AHI1: variants seen among roughly 807,000 people sequenced by gnomAD.
AHI1 encodes jouberin.
Under a neutral mutation model 149.3 loss-of-function variants are expected in AHI1, and 123 were observed. The observed-to-expected ratio is 0.82, with a 90% CI of 0.71 to 0.96. AHI1 has a LOEUF of 0.96. Among genes scored for constraint, AHI1 ranks in the 40% least tolerant of loss-of-function variants. The pLI, the probability that AHI1 is intolerant of heterozygous loss-of-function variation, is 0.00. For missense variants in AHI1, 1,439 were observed against 1,422.7 expected (o/e 1.01, Z -0.18); for synonymous variants, 475 against 459.8 (o/e 1.03, Z -0.42).
intron 5 of AHI1, chr6:135,490,270 T>C (rs1196922892): frequency 1.8e-5 from 13 of 715,566 alleles, no homozygotes; most frequent in Non-Finnish European, 1.0e-5. Context: ...AAGCACAAGC[T>C]ATTCAATATC....
intron 26 of AHI1, among the ~76,000 whole-genome samples, chr6:135,315,570 A>G (rs1785821074): frequency 6.6e-6 from 1 of 152,204 alleles, no homozygotes. Context: ...ATTATATATT[A>G]AACCAAATCT....
intron 5 of AHI1, among the ~76,000 whole-genome samples, chr6:135,481,802 G>T (rs1415672849): frequency 7.5e-6 from 1 of 132,880 alleles, no homozygotes; most frequent in Non-Finnish European, 1.6e-5. Context: ...CTTCATTTTT[G>T]CAAGGAGACA....
intron 24 of AHI1, among the ~76,000 whole-genome samples, chr6:135,352,226 T>C (rs1792229274): frequency 6.6e-6 from 1 of 152,202 alleles, no homozygotes; most frequent in Non-Finnish European, 1.5e-5. Context: ...CATGATCAAA[T>C]ACCTTACTAT....
intron 24 of AHI1, among the ~76,000 whole-genome samples, chr6:135,338,938 T>G (rs1197217690): frequency 6.6e-6 from 1 of 151,644 alleles, no homozygotes; most frequent in African/African-American, 2.4e-5. Flanking sequence ...TTTTTTTTTT[T>G]TTTTTGAGAC....
At chr6:135,493,705 A>G (rs1583524100) in intron 3 of AHI1, among the ~76,000 whole-genome samples, 1 of 152,228 alleles carries the variant, frequency 6.6e-6, no homozygotes, top group Non-Finnish European at 1.5e-5. Context: ...ATGGTCATCT[A>G]ATAGGCCAGG....
chr6:135,440,807 G>A (rs1786174491), intron 14 of AHI1, among the ~76,000 whole-genome samples: 1 of 152,064 alleles, frequency 6.6e-6, no homozygotes, highest in Non-Finnish European at 1.5e-5. Flanking sequence ...AAATCACAAA[G>A]CTAACTGCAA....
At chr6:135,316,488 C>G (rs1423289547) in intron 26 of AHI1, among the ~76,000 whole-genome samples, 4 of 152,148 alleles carry the variant, frequency 2.6e-5, no homozygotes, top group Non-Finnish European at 4.4e-5. Flanking sequence ...TGACCAAATG[C>G]TTCGACAACC....
chr6:135,389,572 G>A (rs986863077), intron 23 of AHI1, among the ~76,000 whole-genome samples: 1 of 152,160 alleles, frequency 6.6e-6, no homozygotes, highest in Non-Finnish European at 1.5e-5. Context: ...GCTATTCATA[G>A]TTTTAAAAAA....
At chr6:135,388,150 T>C (rs1263122075) in intron 23 of AHI1, 2 of 1,139,604 alleles carry the variant, frequency 1.8e-6, no homozygotes, top group South Asian at 1.5e-5. Context: ...ATTTTGTAGA[T>C]TACCTATTAA....
Position 135,438,470 on chromosome 6 carries a change from C to T in AHI1, c.1941G>A (p.Met647Ile). ...TATTGAGGTGGCCACACAATTCTCT[C>T]ATGAAACGTCCAGAAGGAATTTCAT... ...ILYEIPSGRF[M>I]RELCGHLNII... Residue 647 changes from methionine (M) to isoleucine (I), a missense_variant, in exon 15 of 29, where the codon ATG becomes ATA. Transcript: ENST00000265602. 1.3e-6 allele frequency: 2 copies of T among 1,549,956 alleles called. No individual in the cohort carries two copies. The highest frequency in any genetic ancestry group is 2.4e-5 in the South Asian group (2 of 83,554).
In AHI1 at chr6:135,363,426, GA is replaced by G. The variant is rs199807685; in HGVS notation, c.3110-5240del. ...AATTTTTCTTAGTACAGAACAAAATGAAAAGTCTCCAATGTCTACCTCTTTC... is the reference window on the plus strand; with the variant it reads ...AATTTTTCTTAGTACAGAACAAAATGAAAGTCTCCAATGTCTACCTCTTTC... On this transcript the variant is annotated intron_variant, in intron 23 of 28. Transcript: ENST00000265602. Among the ~76,000 whole-genome samples, 1,428 of 152,158 alleles carry G rather than the reference GA, an allele frequency of 9.4e-3. 17 individuals carry two copies. The highest frequency in any genetic ancestry group is 0.032 in the African/African-American group (1,333 of 41,442).
At chr6:135,485,065 T>C (rs1184111948) in intron 5 of AHI1, among the ~76,000 whole-genome samples, 1 of 150,748 alleles carries the variant, frequency 6.6e-6, no homozygotes, top group Admixed American at 6.6e-5. Context: ...TAATTATATG[T>C]ACAATTTCTT....
intron 20 of AHI1, among the ~76,000 whole-genome samples, chr6:135,412,377 C>T (rs1781732572): frequency 6.6e-6 from 1 of 152,150 alleles, no homozygotes; most frequent in Admixed American, 6.5e-5. Flanking sequence ...TGGAACCAGT[C>T]CTCTATAGAT....
intron 23 of AHI1, among the ~76,000 whole-genome samples, chr6:135,366,897 T>A (rs1774267529): frequency 6.6e-6 from 1 of 152,172 alleles, no homozygotes; most frequent in Non-Finnish European, 1.5e-5. Flanking sequence ...CTCTTTCAGA[T>A]GATTGTAGGC....
intron 4 of AHI1, among the ~76,000 whole-genome samples, chr6:135,491,950 T>C (rs1795313435): frequency 6.6e-6 from 1 of 152,222 alleles, no homozygotes. Context: ...ACATTCAATT[T>C]TGATGATAAA....
chr6:135,455,219 A>C (rs1304801561), intron 10 of AHI1, among the ~76,000 whole-genome samples: 1 of 152,196 alleles, frequency 6.6e-6, no homozygotes, highest in African/African-American at 2.4e-5. Flanking sequence ...TAGTCAGCTC[A>C]AAAGCCATGT....
At chr6:135,320,703 C>A (rs1786685840) in intron 25 of AHI1, among the ~76,000 whole-genome samples, 1 of 152,110 alleles carries the variant, frequency 6.6e-6, no homozygotes, top group Non-Finnish European at 1.5e-5. Flanking sequence ...TTAATCCCAC[C>A]CTGCCTAGAG....
At chr6:135,386,848 C>T (rs1184458768) in intron 23 of AHI1, among the ~76,000 whole-genome samples, 2 of 151,998 alleles carry the variant, frequency 1.3e-5, no homozygotes, top group African/African-American at 4.8e-5. Context: ...CCAGGCTGGT[C>T]TTGAACTCCT....
At chr6:135,311,191 A>G (rs1383357142) in intron 26 of AHI1, among the ~76,000 whole-genome samples, 3 of 151,490 alleles carry the variant, frequency 2.0e-5, no homozygotes, top group Non-Finnish European at 4.4e-5. Context: ...AGTCCAAGCC[A>G]CTCGGGAGAC....
Sources: gnomAD v4.1 joint callset for allele counts (sites outside exome capture counted in the v4.1 genomes callset) on GRCh38, gnomAD v4.1.1 for gene constraint, MANE v1.5 for transcripts, NCBI Gene and HGNC (gene_info 2026-07-23, HGNC 2026-07-21) for gene names.